DEAF1: variants seen among roughly 807,000 people sequenced by gnomAD.
DEAF1 encodes deformed epidermal autoregulatory factor 1 homolog.
DEAF1 carries 53 observed loss-of-function variants against 58.9 expected under a neutral mutation model. The ratio of observed to expected loss-of-function variants is 0.90; its 90% CI spans 0.72 to 1.13. The LOEUF (loss-of-function observed/expected upper bound fraction) is 1.13, where lower values mean the gene tolerates loss of function less well. DEAF1 is among the 50% of genes most tolerant of loss of function. DEAF1 has a pLI of 0.00. For synonymous variants in DEAF1, 385 were observed against 340.4 expected (o/e 1.13, Z -1.44); for missense variants, 685 against 791.4 (o/e 0.87, Z 1.61).
chr11:682,548 T>G (rs1860419489), intron 6 of DEAF1, among the ~76,000 whole-genome samples: 1 of 152,082 alleles, frequency 6.6e-6, no homozygotes, highest in Admixed American at 6.6e-5. Flanking sequence ...GCTTTGGAGC[T>G]CTCTGTTCTT....
intron 6 of DEAF1, among the ~76,000 whole-genome samples, chr11:684,627 C>T (rs765553124): frequency 5.8e-4 from 89 of 152,142 alleles, no homozygotes; most frequent in Non-Finnish European, 1.1e-3. Flanking sequence ...AAGGCGGTGA[C>T]ATTATAACCG....
At chr11:705,361 T>G (rs1390533872) in intron 1 of DEAF1, 1 of 154,932 alleles carries the variant, frequency 6.5e-6, no homozygotes, top group Non-Finnish European at 1.4e-5. Context: ...ACCCTGGCCC[T>G]GTTCTGAGCG....
intron 10 of DEAF1, among the ~76,000 whole-genome samples, chr11:666,962 G>A (rs550719546): frequency 6.6e-6 from 1 of 152,074 alleles, no homozygotes; most frequent in African/African-American, 2.4e-5. Context: ...ACTTTAGGAG[G>A]CCAAGGAAGG....
At chr11:682,196 T>C (rs755481316) in intron 6 of DEAF1, among the ~76,000 whole-genome samples, 6 of 152,216 alleles carry the variant, frequency 3.9e-5, no homozygotes, top group Admixed American at 6.5e-5. Flanking sequence ...TGTTAAGCTG[T>C]TGGTGTAGTC....
At chr11:656,288 T>C (rs1859052496) in intron 10 of DEAF1, among the ~76,000 whole-genome samples, 1 of 152,096 alleles carries the variant, frequency 6.6e-6, no homozygotes, top group Non-Finnish European at 1.5e-5. Context: ...CTCAAGTAGC[T>C]GGGATTATAG....
rs374222357 is a variant in DEAF1, at chr11:674,691, G to A, written c.1348C>T (p.Pro450Ser). 4.4e-5 allele frequency: 71 copies of A among 1,613,856 alleles called. No individual in the cohort carries two copies. Among genetic ancestry groups the A allele is most frequent in the Non-Finnish European group, 5.8e-5 (68 of 1,180,042 alleles). The change falls in exon 10 of 12, where the codon CCG becomes TCG. Residue 450 changes from proline (P) to serine (S), a missense_variant. Physicochemically the swap from Pro to Ser is moderately conservative, Grantham distance 74 (BLOSUM62 -1). Coordinates refer to ENST00000382409, the MANE Select transcript of DEAF1 (RefSeq NM_021008.4). ...ALVNGLELSE[P>S]RSWLYLEEMV... Reference sequence around the variant, plus strand: ...TCTTCTAGGTACAGCCAGCTCCGCGGCTCTGACAGCTCCAGCCCATTGACC... The same window carrying A: ...TCTTCTAGGTACAGCCAGCTCCGCGACTCTGACAGCTCCAGCCCATTGACC...
chr11:679,557 C>G, intron 8 of DEAF1, 131 bp downstream of exon 8: 1 of 1,441,618 alleles, frequency 6.9e-7, no homozygotes, highest in Non-Finnish European at 9.6e-7. Context: ...CTGTCCCCAC[C>G]AACAAACGCC....
At chr11:653,083 C>CAAAA (rs71022946) in intron 11 of DEAF1, among the ~76,000 whole-genome samples, 2 of 62,272 alleles carry the variant, frequency 3.2e-5, no homozygotes, top group Non-Finnish European at 5.4e-5. Flanking sequence ...GACTCTGTCT[C>CAAAA]AAAAAAAAAA....
chr11:674,889 A>G, intron 9 of DEAF1, 106 bp from the exon 10 acceptor site: 1 of 1,498,510 alleles, frequency 6.7e-7, no homozygotes. Context: ...TCACGCCTGT[A>G]ATCCCAGCAC....
At chr11:646,036 T>C (rs1380984280) in intron 11 of DEAF1, among the ~76,000 whole-genome samples, 1 of 152,012 alleles carries the variant, frequency 6.6e-6, no homozygotes, top group African/African-American at 2.4e-5. Flanking sequence ...GCAGATCACC[T>C]GAGGCCAGGA....
intron 11 of DEAF1, among the ~76,000 whole-genome samples, chr11:648,233 C>T (rs1201657146): frequency 2.3e-5 from 3 of 131,190 alleles, no homozygotes; most frequent in Non-Finnish European, 3.1e-5. Flanking sequence ...CTCCCTTTGT[C>T]TCCCAGGCTG....
At chr11:672,985 C>T (rs1455079357) in intron 10 of DEAF1, among the ~76,000 whole-genome samples, 1 of 151,988 alleles carries the variant, frequency 6.6e-6, no homozygotes, top group Non-Finnish European at 1.5e-5. Flanking sequence ...CCTGTCTGTA[C>T]TAAAAATACA....
intron 11 of DEAF1, chr11:651,063 A>G (rs1858746692): frequency 6.5e-6 from 1 of 154,182 alleles, no homozygotes; most frequent in Admixed American, 6.5e-5. Context: ...CCCAGGTTCA[A>G]GCAATCCTCC....
intron 6 of DEAF1, among the ~76,000 whole-genome samples, chr11:682,106 G>A (rs1200033591): frequency 6.6e-6 from 1 of 152,238 alleles, no homozygotes; most frequent in African/African-American, 2.4e-5. Context: ...CTCGGCTGCT[G>A]CTCCTCTGAG....
intron 2 of DEAF1, among the ~76,000 whole-genome samples, chr11:691,210 G>A (rs1000911879): frequency 1.3e-5 from 2 of 152,254 alleles, no homozygotes; most frequent in African/African-American, 4.8e-5. Context: ...AGGCTGAACT[G>A]TGGCCGGACA....
intron 5 of DEAF1, 78 bp from the exon 6 acceptor site, chr11:685,041 CCACT>C (rs1860529864): frequency 9.6e-7 from 1 of 1,040,056 alleles, no homozygotes; most frequent in Admixed American, 2.0e-5. Flanking sequence ...AAGATTTCAA[CCACT>C]TTTACCACTT....
chr11:681,575 T>TA (rs1343070655), intron 6 of DEAF1, among the ~76,000 whole-genome samples: 2 of 152,094 alleles, frequency 1.3e-5, no homozygotes, highest in Admixed American at 1.3e-4. Context: ...CAAGCCTGGC[T>TA]AGTGTTTTGT....
At chr11:675,045 G>A (rs751088262) in intron 9 of DEAF1, among the ~76,000 whole-genome samples, 3 of 152,016 alleles carry the variant, frequency 2.0e-5, no homozygotes, top group Non-Finnish European at 2.9e-5. Context: ...TTAGCTGGAC[G>A]TGGTGGTAGA....
chr11:686,150 G>T (rs1860584618), intron 5 of DEAF1, among the ~76,000 whole-genome samples: 1 of 150,488 alleles, frequency 6.6e-6, no homozygotes, highest in Non-Finnish European at 1.5e-5. Context: ...AAAAAAGCCA[G>T]GTGTGGTGGC....
Sources: gnomAD v4.1 joint callset for allele counts (sites outside exome capture counted in the v4.1 genomes callset) on GRCh38, gnomAD v4.1.1 for gene constraint, MANE v1.5 for transcripts, NCBI Gene and HGNC (gene_info 2026-07-23, HGNC 2026-07-21) for gene names.